Variants in FYB2 observed in about 807,000 individuals in gnomAD.
FYB2 encodes the protein FYN binding protein 2, also known as FYN-binding protein 2.
In FYB2, 103 loss-of-function variants were observed where a neutral mutation model predicts 94.1. The ratio of observed to expected loss-of-function variants is 1.09; its 90% CI spans 0.93 to 1.29. FYB2 has a LOEUF of 1.29. Ranked by LOEUF, FYB2 falls within the 50% of genes most tolerant of loss-of-function variation. FYB2 has a pLI of 0.00. For synonymous variants in FYB2, 293 were observed against 287.9 expected (o/e 1.02, Z -0.18); for missense variants, 896 against 841.5 (o/e 1.06, Z -0.80).
chr1:56,753,904 T>C lies in FYB2; in HGVS notation c.1162A>G (p.Lys388Glu), dbSNP rs1477988746. ...AKHEDKKMKE[K>E]QPCELKPKNT... ...TTAGGTTTCAATTCACATGGTTGTT[T>C]TTCCTTCATTTTTTTATCTTCATGT... Residue 388 changes from lysine to glutamate, a missense_variant, in exon 8 of 20, where the codon AAA becomes GAA. Transcript: ENST00000343433. 5.0e-6 allele frequency: 8 copies of C among 1,610,728 alleles called. No homozygotes were observed. In the Admixed American group the frequency reaches 1.3e-4, roughly 27 times the overall value.
At chr1:56,777,279 A>AAT (rs1645902163) in intron 4 of FYB2, among the ~76,000 whole-genome samples, 2 of 148,944 alleles carry the variant, frequency 1.3e-5, no homozygotes, top group Non-Finnish European at 3.0e-5. Context: ...AAAAAAGAAA[A>AAT]TAGAAGGCCC....
intron 4 of FYB2, among the ~76,000 whole-genome samples, chr1:56,783,757 T>C (rs1456243178): frequency 6.6e-6 from 1 of 152,164 alleles, no homozygotes; most frequent in Non-Finnish European, 1.5e-5. Context: ...TTTCAATGTA[T>C]GTAAATGTTT....
At chr1:56,750,936 C>G in intron 9 of FYB2, 108 bp downstream of exon 9, 1 of 1,342,004 alleles carries the variant, frequency 7.5e-7, no homozygotes. Context: ...TTGCTTGGCA[C>G]AAAATAGATG....
chr1:56,800,020 A>C (rs1240154346), intron 1 of FYB2, among the ~76,000 whole-genome samples: 2 of 152,232 alleles, frequency 1.3e-5, no homozygotes. Flanking sequence ...GAATGTCTGC[A>C]CATTGCTAAC....
intron 4 of FYB2, among the ~76,000 whole-genome samples, chr1:56,781,702 T>C (rs193030910): frequency 2.0e-5 from 3 of 152,276 alleles, no homozygotes; most frequent in African/African-American, 7.2e-5. Flanking sequence ...TCAGCTCATG[T>C]CACTTCCTGG....
At chr1:56,813,807 A>G (rs1646820561) in intron 1 of FYB2, among the ~76,000 whole-genome samples, 1 of 152,230 alleles carries the variant, frequency 6.6e-6, no homozygotes, top group African/African-American at 2.4e-5. Flanking sequence ...GTTAAGATAT[A>G]GGTACTATTT....
Position 56,753,911 on chromosome 1 carries a change from C to A in FYB2, c.1155G>T (p.Met385Ile). The A allele has an allele frequency of 6.2e-7, 1 of 1,609,330 alleles. No individual in the cohort carries two copies. Among genetic ancestry groups the A allele is most frequent in the South Asian group, 1.1e-5 (1 of 90,932 alleles). ...TCAATTCACATGGTTGTTTTTCCTT[C>A]ATTTTTTTATCTTCATGTTTAGCAC... ...EPSAKHEDKK[M>I]KEKQPCELKP... is the part of the protein sequence containing the mutation. The change falls in exon 8 of 20, where the codon ATG becomes ATT. Residue 385 changes from methionine (M) to isoleucine (I), a missense_variant. By Grantham distance (10) the Met-to-Ile change is conservative (BLOSUM62 1). Transcript: ENST00000343433.
intron 1 of FYB2, among the ~76,000 whole-genome samples, chr1:56,808,138 T>C (rs1440343454): frequency 6.6e-6 from 1 of 152,196 alleles, no homozygotes; most frequent in Non-Finnish European, 1.5e-5. Context: ...TACATTATTT[T>C]GTTTACTCTG....
chr1:56,723,419 A>G (rs1367034962), intron 17 of FYB2, among the ~76,000 whole-genome samples, 169 bp downstream of exon 17: 1 of 151,996 alleles, frequency 6.6e-6, no homozygotes, highest in Non-Finnish European at 1.5e-5. Flanking sequence ...AGACATAACA[A>G]TATAGAAATG....
At chr1:56,772,655 G>A in intron 4 of FYB2, among the ~76,000 whole-genome samples, 1 of 152,106 alleles carries the variant, frequency 6.6e-6, no homozygotes, top group East Asian at 1.9e-4. Context: ...CTGGAACATG[G>A]GGTCAGACAG....
At chr1:56,800,652 A>G (rs1646498830) in intron 1 of FYB2, among the ~76,000 whole-genome samples, 1 of 152,072 alleles carries the variant, frequency 6.6e-6, no homozygotes, top group South Asian at 2.1e-4. Context: ...GGCCAATAAT[A>G]CTCACCACAT....
At chr1:56,796,175 A>G (rs1646392644) in intron 1 of FYB2, among the ~76,000 whole-genome samples, 1 of 152,146 alleles carries the variant, frequency 6.6e-6, no homozygotes, top group Non-Finnish European at 1.5e-5. Context: ...GGTTTGGGTG[A>G]TCTCCGAAGC....
chr1:56,727,200 C>CA (rs1321007439), intron 15 of FYB2, among the ~76,000 whole-genome samples: 1 of 152,050 alleles, frequency 6.6e-6, no homozygotes, highest in African/African-American at 2.4e-5. Flanking sequence ...ACTGATCACT[C>CA]AAAGTTTTAC....
intron 2 of FYB2, among the ~76,000 whole-genome samples, chr1:56,789,948 C>T (rs1447638669): frequency 1.3e-5 from 2 of 152,134 alleles, no homozygotes; most frequent in Non-Finnish European, 2.9e-5. Flanking sequence ...TCAAGGCTGA[C>T]TTTGTGATAT....
In FYB2 at chr1:56,792,047, G is replaced by A. The variant is rs538873132; in HGVS notation, c.757+9C>T. ...CTAGCCCCTGTCCCATGGGGATCAC[G>A]TTTGTTACCTGGGGCCTGACTGGCA... On this transcript the variant is annotated intron_variant, in intron 2 of 19. Coordinates refer to ENST00000343433, the MANE Select transcript of FYB2 (RefSeq NM_001004303.5). The A allele has an allele frequency of 3.3e-5, 52 of 1,561,894 alleles. No homozygotes were observed. Among genetic ancestry groups the A allele is most frequent in the South Asian group, 6.2e-5 (5 of 80,496 alleles).
chr1:56,742,871 G>A (rs1644986781), intron 11 of FYB2, among the ~76,000 whole-genome samples: 2 of 151,950 alleles, frequency 1.3e-5, no homozygotes, highest in Non-Finnish European at 2.9e-5. Context: ...CTAAACTTCT[G>A]AGATTCTAAG....
chr1:56,742,304 T>C, intron 11 of FYB2, 83 bp from the exon 12 acceptor site: 1 of 985,574 alleles, frequency 1.0e-6, no homozygotes. Flanking sequence ...ATTAGATACT[T>C]ACTAGATGCT....
At chr1:56,733,092 T>C (rs1043405239) in intron 15 of FYB2, among the ~76,000 whole-genome samples, 9 of 151,828 alleles carry the variant, frequency 5.9e-5, no homozygotes, top group African/African-American at 2.2e-4. Context: ...ATCTGACAGG[T>C]GATTAATATC....
intron 11 of FYB2, among the ~76,000 whole-genome samples, 199 bp from the exon 12 acceptor site, chr1:56,742,420 A>C (rs1644977041): frequency 6.6e-6 from 1 of 152,098 alleles, no homozygotes; most frequent in Non-Finnish European, 1.5e-5. Flanking sequence ...AGTATGTATA[A>C]ATGAAAATTA....
Sources: allele counts gnomAD v4.1 joint callset (sites outside exome capture counted in the v4.1 genomes callset), GRCh38; gene constraint gnomAD v4.1.1; transcripts MANE v1.5; gene names NCBI Gene and HGNC (gene_info 2026-07-23, HGNC 2026-07-21).